Variants in PXDNL observed in about 807,000 individuals in gnomAD.
PXDNL encodes probable oxidoreductase PXDNL.
In PXDNL, 145 loss-of-function variants were observed where a neutral mutation model predicts 150.8. The ratio of observed to expected loss-of-function variants is 0.96; its 90% CI spans 0.84 to 1.10. The LOEUF is 1.10. Ranked by LOEUF, PXDNL falls within the 50% of genes least tolerant of loss-of-function variation. The pLI, the probability that PXDNL is intolerant of heterozygous loss-of-function variation, is 0.00. For synonymous variants in PXDNL, 757 were observed against 725.7 expected (o/e 1.04, Z -0.69); for missense variants, 2,087 against 1,873.9 (o/e 1.11, Z -2.10).
rs145681519 is a variant in PXDNL at position 51,337,750 on chromosome 8, G to A, written c.4146+1874C>T. Among the ~76,000 whole-genome samples, 681 of 150,694 alleles carry A rather than the reference G, an allele frequency of 4.5e-3. 4 individuals carry two copies. The highest frequency in any genetic ancestry group is 8.0e-3 in the Non-Finnish European group (543 of 67,792). On this transcript the variant is annotated intron_variant, in intron 21 of 22. Coordinates refer to ENST00000356297, the MANE Select transcript of PXDNL (RefSeq NM_144651.5). ...AAATGAGCTGGGCATGGTGGTGGGCGCCTGTAGTCCCCCAGCTACACGGGA... is the reference window on the plus strand; with the variant it reads ...AAATGAGCTGGGCATGGTGGTGGGCACCTGTAGTCCCCCAGCTACACGGGA...
chr8:51,559,330 A>ACCCCCCCCCC (rs59230172), intron 3 of PXDNL, among the ~76,000 whole-genome samples: 4 of 98,146 alleles, frequency 4.1e-5, no homozygotes, highest in Non-Finnish European at 4.7e-5. Context: ...TTTCTTCCAA[A>ACCCCCCCCCC]CCCCCCCCCC....
chr8:51,584,241 T>A (rs981111238), intron 3 of PXDNL, among the ~76,000 whole-genome samples: 3 of 152,122 alleles, frequency 2.0e-5, no homozygotes, highest in Non-Finnish European at 1.5e-5. Context: ...TCTCATTGAG[T>A]TATGATCATT....
At chr8:51,741,380 G>C (rs1408921950) in intron 1 of PXDNL, among the ~76,000 whole-genome samples, 8 of 152,094 alleles carry the variant, frequency 5.3e-5, no homozygotes, top group Non-Finnish European at 1.2e-4. Context: ...ATATATTTAG[G>C]ATTATTCATT....
intron 1 of PXDNL, among the ~76,000 whole-genome samples, chr8:51,689,976 A>G (rs374325989): frequency 2.0e-5 from 3 of 152,332 alleles, no homozygotes; most frequent in South Asian, 2.1e-4. Context: ...AAAGTCTAAT[A>G]AAGACTATAT....
intron 5 of PXDNL, among the ~76,000 whole-genome samples, chr8:51,487,549 C>T (rs1231714610): frequency 1.3e-5 from 2 of 151,998 alleles, no homozygotes; most frequent in African/African-American, 2.4e-5. Flanking sequence ...GCTTGACATA[C>T]TTTAACGAAA....
chr8:51,744,943 A>G (rs368378987), intron 1 of PXDNL, among the ~76,000 whole-genome samples: 1 of 3,960 alleles, frequency 2.5e-4, no homozygotes, highest in Non-Finnish European at 9.6e-3. Flanking sequence ...AAAGAAAGAA[A>G]GAAAGAAAGA....
At chr8:51,757,455 C>T (rs1311433208) in intron 1 of PXDNL, among the ~76,000 whole-genome samples, 1 of 152,142 alleles carries the variant, frequency 6.6e-6, no homozygotes, top group Non-Finnish European at 1.5e-5. Context: ...TTTGCTGCTT[C>T]TAAGCTGGGA....
At chr8:51,487,159 T>C (rs1319660704) in intron 5 of PXDNL, among the ~76,000 whole-genome samples, 1 of 152,064 alleles carries the variant, frequency 6.6e-6, no homozygotes, top group African/African-American at 2.4e-5. Context: ...AAAAATAATA[T>C]TTGAGCAGTA....
intron 2 of PXDNL, among the ~76,000 whole-genome samples, chr8:51,608,054 A>AAAGAAAGAAAACAAGCAAGC (rs1554557536): frequency 9.0e-6 from 1 of 111,596 alleles, no homozygotes; most frequent in Non-Finnish European, 1.8e-5. Context: ...AGAAAGAAAG[A>AAAGAAAGAAAACAAGCAAGC]AAGCAAGCAA....
intron 4 of PXDNL, among the ~76,000 whole-genome samples, chr8:51,549,508 T>G (rs554271515): frequency 6.6e-6 from 1 of 152,282 alleles, no homozygotes; most frequent in African/African-American, 2.4e-5. Context: ...TGAATAAAAT[T>G]GGAAATTCAC....
At chr8:51,459,287 T>C (rs1810010498) in intron 8 of PXDNL, among the ~76,000 whole-genome samples, 2 of 152,340 alleles carry the variant, frequency 1.3e-5, no homozygotes, top group South Asian at 2.1e-4. Flanking sequence ...TATTAAGCAA[T>C]TTAATTATTT....
At chr8:51,364,404 C>A (rs1806851013) in intron 19 of PXDNL, among the ~76,000 whole-genome samples, 1 of 152,186 alleles carries the variant, frequency 6.6e-6, no homozygotes, top group Non-Finnish European at 1.5e-5. Flanking sequence ...AATTTCTCCC[C>A]AGAAGAAGAT....
chr8:51,459,619 T>G (rs963132131), intron 8 of PXDNL, among the ~76,000 whole-genome samples: 4 of 152,212 alleles, frequency 2.6e-5, no homozygotes, highest in Non-Finnish European at 5.9e-5. Flanking sequence ...CTCTTCGTTA[T>G]GCTCATAAAA....
chr8:51,638,348 C>G (rs1814654513), intron 2 of PXDNL, among the ~76,000 whole-genome samples: 1 of 152,092 alleles, frequency 6.6e-6, no homozygotes, highest in South Asian at 2.1e-4. Context: ...TCACACATAA[C>G]AATATTAACC....
At chr8:51,519,773 G>C (rs1811620666) in intron 4 of PXDNL, among the ~76,000 whole-genome samples, 1 of 152,158 alleles carries the variant, frequency 6.6e-6, no homozygotes, top group Non-Finnish European at 1.5e-5. Context: ...TGAGAGATTG[G>C]GGCATCCCAA....
At chr8:51,614,486 C>T (rs1013440537) in intron 2 of PXDNL, among the ~76,000 whole-genome samples, 4 of 152,074 alleles carry the variant, frequency 2.6e-5, no homozygotes, top group South Asian at 2.1e-4. Context: ...TTCCCTTTTT[C>T]GCCCATAAAC....
chr8:51,408,622 G>T lies in PXDNL; in HGVS notation c.3002C>A (p.Ala1001Asp). The T allele has an allele frequency of 6.2e-7, 1 of 1,610,000 alleles. No individual in the cohort carries two copies. Among genetic ancestry groups the T allele is most frequent in the Non-Finnish European group, 8.5e-7 (1 of 1,178,224 alleles). Residue 1001 changes from alanine to aspartate, a missense_variant, in exon 17 of 23, where the codon GCC (alanine) becomes GAC (aspartate). Ala to Asp is a moderately radical substitution (Grantham distance 126). Coordinates refer to ENST00000356297, the MANE Select transcript of PXDNL (RefSeq NM_144651.5). ...CAGCTCCGCGCCCACGATCTTCCTGGCTTCCTGGTAAACCGTGTTTCCCTC... is the reference window on the plus strand; with the variant it reads ...CAGCTCCGCGCCCACGATCTTCCTGTCTTCCTGGTAAACCGTGTTTCCCTC... ...HWEGNTVYQE[A>D]RKIVGAELQH...
intron 19 of PXDNL, among the ~76,000 whole-genome samples, chr8:51,369,664 A>AAAG (rs5891409): frequency 7.6e-4 from 116 of 151,634 alleles, no homozygotes; most frequent in Non-Finnish European, 1.4e-3. Flanking sequence ...AAAAAAAAAA[A>AAAG]CACTGTATGT....
At chr8:51,608,286 G>C (rs1813910795) in intron 2 of PXDNL, among the ~76,000 whole-genome samples, 1 of 146,650 alleles carries the variant, frequency 6.8e-6, no homozygotes, top group African/African-American at 2.7e-5. Context: ...CTACTGTAGA[G>C]GCTGAGGCAG....
Sources: allele counts gnomAD v4.1 joint callset (sites outside exome capture counted in the v4.1 genomes callset), GRCh38; gene constraint gnomAD v4.1.1; transcripts MANE v1.5; gene names NCBI Gene and HGNC (gene_info 2026-07-23, HGNC 2026-07-21).